CLYBL: variants seen among roughly 807,000 people sequenced by gnomAD.
CLYBL encodes the protein citramalyl-CoA lyase, mitochondrial.
A neutral mutation model predicts 38.9 loss-of-function variants in CLYBL; 31 were observed. The observed-to-expected ratio is 0.80, with a 90% CI of 0.60 to 1.08. The LOEUF (loss-of-function observed/expected upper bound fraction) is 1.08. CLYBL is among the 50% of genes least tolerant of loss of function. CLYBL has a pLI of 0.00. For missense variants in CLYBL, 434 were observed against 411.6 expected (o/e 1.05, Z -0.47); for synonymous variants, 171 against 158.6 (o/e 1.08, Z -0.59).
intron 2 of CLYBL, among the ~76,000 whole-genome samples, chr13:99,843,175 G>T (rs1341586515): frequency 1.3e-5 from 2 of 152,158 alleles, no homozygotes; most frequent in African/African-American, 2.4e-5. Context: ...TTCCTTTGGA[G>T]CCTCAGTGAG....
At chr13:99,870,702 T>C (rs1388732042) in intron 6 of CLYBL, among the ~76,000 whole-genome samples, 1 of 152,238 alleles carries the variant, frequency 6.6e-6, no homozygotes, top group Non-Finnish European at 1.5e-5. Flanking sequence ...GTGGCATTTC[T>C]ATAGGATCGG....
intron 1 of CLYBL, among the ~76,000 whole-genome samples, chr13:99,720,948 T>C (rs752760279): frequency 6.6e-6 from 1 of 152,188 alleles, no homozygotes; most frequent in Non-Finnish European, 1.5e-5. Context: ...TAAGGTCTCA[T>C]GTTCCCTCGT....
At chr13:99,871,192 A>ACAACAT in intron 7 of CLYBL, 130 bp downstream of exon 7, 1 of 1,038,528 alleles carries the variant, frequency 9.6e-7, no homozygotes, top group Non-Finnish European at 1.4e-6. Context: ...GGGAGGGAAC[A>ACAACAT]CAACATTCAC....
At chr13:99,751,389 G>A (rs2048954632) in intron 1 of CLYBL, among the ~76,000 whole-genome samples, 1 of 151,934 alleles carries the variant, frequency 6.6e-6, no homozygotes, top group South Asian at 2.1e-4. Flanking sequence ...CCTGGCTAAT[G>A]TTTGCATTTT....
intron 2 of CLYBL, among the ~76,000 whole-genome samples, chr13:99,773,375 T>C (rs2049441114): frequency 6.6e-6 from 1 of 152,088 alleles, no homozygotes; most frequent in African/African-American, 2.4e-5. Flanking sequence ...TACAGGCCTG[T>C]TAGGAACTGG....
At chr13:99,651,615 G>T (rs904024627) in intron 1 of CLYBL, among the ~76,000 whole-genome samples, 1 of 151,366 alleles carries the variant, frequency 6.6e-6, no homozygotes, top group African/African-American at 2.4e-5. Flanking sequence ...GGAATTCTGG[G>T]TTGTGGCTTT....
chr13:99,905,074 G>C (rs1378171621), intron 8 of CLYBL, among the ~76,000 whole-genome samples: 1 of 152,016 alleles, frequency 6.6e-6, no homozygotes. Flanking sequence ...AGGGAAAGGG[G>C]GTGCTTCACA....
chr13:99,774,578 AC>A (rs369390044), intron 2 of CLYBL, among the ~76,000 whole-genome samples: 4 of 152,260 alleles, frequency 2.6e-5, no homozygotes, highest in African/African-American at 9.6e-5. Context: ...GCGCCAGGTG[AC>A]CTGAAACAAC....
At chr13:99,656,984 G>A (rs554373198) in intron 1 of CLYBL, among the ~76,000 whole-genome samples, 3 of 152,328 alleles carry the variant, frequency 2.0e-5, no homozygotes, top group East Asian at 3.9e-4. Context: ...ATGTTGCACA[G>A]AAATGAAAAT....
chr13:99,690,182 A>T (rs769874394), intron 1 of CLYBL: 5 of 152,186 alleles, frequency 3.3e-5, no homozygotes, highest in Non-Finnish European at 2.9e-5. Flanking sequence ...TAGTTTGGTC[A>T]TTTGGCGCCA....
chr13:99,730,120 A>G (rs1435372903), intron 1 of CLYBL, among the ~76,000 whole-genome samples: 2 of 151,498 alleles, frequency 1.3e-5, no homozygotes, highest in Non-Finnish European at 1.5e-5. Context: ...ATGGCTGGCC[A>G]CTGTTGGAGC....
exon 10 of CLYBL, among the ~76,000 whole-genome samples, chr13:99,908,625 C>T (rs932517787): frequency 5.3e-5 from 8 of 152,116 alleles, no homozygotes; most frequent in Non-Finnish European, 1.0e-4. Context: ...TTTCACCACA[C>T]AGTGTGGTAG....
chr13:99,742,605 G>A (rs892516079), intron 1 of CLYBL, among the ~76,000 whole-genome samples: 14 of 152,158 alleles, frequency 9.2e-5, no homozygotes, highest in Admixed American at 7.9e-4. Context: ...GATGATTTAA[G>A]TAAATCACTT....
intron 1 of CLYBL, among the ~76,000 whole-genome samples, chr13:99,758,244 T>C (rs1467812214): frequency 2.6e-5 from 4 of 152,200 alleles, no homozygotes; most frequent in Admixed American, 2.6e-4. Flanking sequence ...CCTCTTGTTA[T>C]ATAAATGGTT....
chr13:99,857,472 C>G (rs2051489397), intron 2 of CLYBL, among the ~76,000 whole-genome samples: 1 of 152,202 alleles, frequency 6.6e-6, no homozygotes, highest in African/African-American at 2.4e-5. Flanking sequence ...TCTGAGCTCT[C>G]TCTTGCTTTT....
At chr13:99,628,748 A>C (rs2046903353) in intron 1 of CLYBL, among the ~76,000 whole-genome samples, 1 of 152,182 alleles carries the variant, frequency 6.6e-6, no homozygotes, top group South Asian at 2.1e-4. Context: ...CAGAATCACA[A>C]ATGGGCCTTT....
chr13:99,723,027 A>AT (rs2048417258), intron 1 of CLYBL, among the ~76,000 whole-genome samples: 1 of 152,226 alleles, frequency 6.6e-6, no homozygotes, highest in Non-Finnish European at 1.5e-5. Context: ...CCCTGTTTTA[A>AT]TTCACACTTC....
chr13:99,905,736 G>A lies in CLYBL; in HGVS notation c.*160+331G>A, dbSNP rs546160936. 4.1e-3 allele frequency among the ~76,000 whole-genome samples: 465 copies of A among 114,738 alleles called. 3 individuals carry two copies. Among genetic ancestry groups the A allele is most frequent in the African/African-American group, 0.013 (422 of 31,806 alleles). 75.3% of individuals were successfully genotyped at this position (114,738 alleles called of 152,430 possible). ...TGTTGTTTTTGCTTTTTTTTTTTTA[G>A]ATCAAACATGTTTTGTTGTTGTTGT... is the stretch of plus-strand genomic sequence containing the variant. On this transcript the variant is annotated intron_variant and NMD_transcript_variant, in intron 9 of 9. Coordinates refer to the CLYBL transcript ENST00000689673.
chr13:99,687,101 G>T (rs912432231), intron 1 of CLYBL, among the ~76,000 whole-genome samples: 1 of 152,140 alleles, frequency 6.6e-6, no homozygotes, highest in Non-Finnish European at 1.5e-5. Context: ...CAAGACTAAG[G>T]TGTAGCTCCA....
Sources: gnomAD v4.1 joint callset for allele counts (sites outside exome capture counted in the v4.1 genomes callset) on GRCh38, gnomAD v4.1.1 for gene constraint, MANE v1.5 for transcripts, NCBI Gene and HGNC (gene_info 2026-07-23, HGNC 2026-07-21) for gene names.